The following TRPC4 variants were observed in gnomAD, a reference collection of about 807,000 sequenced individuals.
TRPC4 encodes the protein transient receptor potential cation channel subfamily C member 4.
Under a neutral mutation model 99.4 loss-of-function variants are expected in TRPC4, and 49 were observed. The ratio of observed to expected loss-of-function variants is 0.49; its 90% CI spans 0.39 to 0.63. The LOEUF is 0.63. TRPC4 is among the 20% of genes least tolerant of loss of function. The probability of loss-of-function intolerance (pLI) is 0.00; values close to 1 mark genes in which losing one functional copy is unlikely to be tolerated. For missense variants in TRPC4, 898 were observed against 1,152.9 expected (o/e 0.78, Z 3.20); for synonymous variants, 454 against 425.9 (o/e 1.07, Z -0.81).
chr13:37,759,877 C>A (rs1956180317), intron 2 of TRPC4, among the ~76,000 whole-genome samples: 1 of 151,356 alleles, frequency 6.6e-6, no homozygotes, highest in Admixed American at 6.6e-5. Context: ...ATATTTATTT[C>A]ATCAATTTGT....
intron 2 of TRPC4, among the ~76,000 whole-genome samples, chr13:37,771,689 T>C (rs917700263): frequency 8.6e-5 from 13 of 151,594 alleles, no homozygotes; most frequent in African/African-American, 2.4e-4. Flanking sequence ...CATCAGCAAG[T>C]CTTTGTGGAG....
At chr13:37,706,659 C>T (rs113733487) in intron 3 of TRPC4, among the ~76,000 whole-genome samples, 8,400 of 138,188 alleles carry the variant, frequency 0.061, 750 homozygotes, top group African/African-American at 0.21. Flanking sequence ...CCCCGGTGTG[C>T]GATGTTCCCC....
chr13:37,637,197 A>C lies in TRPC4; in HGVS notation c.2640T>G (p.Leu880=). ...EVARQQAAGP[L]ERNIQLESRG... is the part of the protein sequence containing the mutation. ...GAGATTCCAGTTGAATATTTCTCTC[A>C]AGTGGTCCTGCAGCCTGTTGACGAG... The change falls in exon 11 of 11, where the codon CTT becomes CTG. Residue 880 remains leucine, a synonymous_variant. Transcript: ENST00000379705. 1.9e-6 allele frequency: 3 copies of C among 1,613,874 alleles called. No individual in the cohort carries two copies. Among genetic ancestry groups the C allele is most frequent in the South Asian group, 1.1e-5 (1 of 91,084 alleles).
intron 3 of TRPC4, among the ~76,000 whole-genome samples, chr13:37,714,700 C>T (rs1449687245): frequency 6.6e-6 from 1 of 152,152 alleles, no homozygotes; most frequent in Non-Finnish European, 1.5e-5. Context: ...TATCACCCCA[C>T]ATGATGCTCC....
chr13:37,766,003 A>T (rs189051584), intron 2 of TRPC4, among the ~76,000 whole-genome samples: 1 of 151,298 alleles, frequency 6.6e-6, no homozygotes, highest in Non-Finnish European at 1.5e-5. Context: ...ATTTTTCTTC[A>T]TTAGGTTTGT....
chr13:37,827,152 G>C (rs1036469075), intron 1 of TRPC4, among the ~76,000 whole-genome samples: 1 of 151,856 alleles, frequency 6.6e-6, no homozygotes, highest in Admixed American at 6.6e-5. Flanking sequence ...CTCTGTATTG[G>C]TTATTCTAGT....
intron 3 of TRPC4, among the ~76,000 whole-genome samples, chr13:37,721,782 TA>T (rs1297403864): frequency 1.5e-4 from 23 of 152,178 alleles, no homozygotes; most frequent in African/African-American, 5.5e-4. Flanking sequence ...TAGGCGATTT[TA>T]TTTATTTTTT....
chr13:37,838,257 G>A (rs923282616), intron 1 of TRPC4, among the ~76,000 whole-genome samples: 3 of 152,202 alleles, frequency 2.0e-5, no homozygotes, highest in African/African-American at 7.2e-5. Flanking sequence ...TGTTCTTAGT[G>A]TGTGGTCTCC....
intron 1 of TRPC4, among the ~76,000 whole-genome samples, chr13:37,793,393 G>A (rs984862517): frequency 2.0e-5 from 3 of 151,478 alleles, no homozygotes; most frequent in Non-Finnish European, 4.4e-5. Context: ...CTATTAACTC[G>A]TCATTTAACA....
At chr13:37,796,165 G>A (rs1957239205) in intron 1 of TRPC4, among the ~76,000 whole-genome samples, 1 of 152,054 alleles carries the variant, frequency 6.6e-6, no homozygotes, top group South Asian at 2.1e-4. Context: ...AACAACCAGA[G>A]TTTAAGACTC....
intron 8 of TRPC4, 135 bp downstream of exon 8, chr13:37,651,130 T>C: frequency 1.1e-6 from 1 of 932,284 alleles, no homozygotes; most frequent in Non-Finnish European, 1.6e-6. Context: ...TCATGGGAGA[T>C]GTGTTATAAA....
intron 6 of TRPC4, 108 bp downstream of exon 6, chr13:37,663,308 A>T (rs1952515720): frequency 1.9e-6 from 2 of 1,053,532 alleles, no homozygotes; most frequent in Admixed American, 3.1e-5. Flanking sequence ...GCACAATTTT[A>T]GTTCCCCATT....
intron 3 of TRPC4, among the ~76,000 whole-genome samples, chr13:37,739,300 T>C (rs1012019452): frequency 3.9e-5 from 6 of 152,080 alleles, no homozygotes; most frequent in African/African-American, 4.8e-5. Context: ...TAATTGAATC[T>C]CATTCAGATA....
At chr13:37,812,237 G>C (rs2762068) in intron 1 of TRPC4, among the ~76,000 whole-genome samples, 1,450 of 126,750 alleles carry the variant, frequency 0.011, 24 homozygotes, top group African/African-American at 0.041. Context: ...CTGAGCGATA[G>C]AACATAACTC....
intron 1 of TRPC4, among the ~76,000 whole-genome samples, chr13:37,866,319 C>G (rs1959743472): frequency 6.6e-6 from 1 of 151,792 alleles, no homozygotes; most frequent in African/African-American, 2.4e-5. Flanking sequence ...ATAAAACATA[C>G]ACTAATATTA....
At chr13:37,819,556 A>G (rs1370077127) in intron 1 of TRPC4, among the ~76,000 whole-genome samples, 1 of 152,030 alleles carries the variant, frequency 6.6e-6, no homozygotes, top group Non-Finnish European at 1.5e-5. Context: ...TATCTTTAGC[A>G]AACTAACGCA....
chr13:37,817,685 A>C (rs1957897594), intron 1 of TRPC4, among the ~76,000 whole-genome samples: 1 of 152,094 alleles, frequency 6.6e-6, no homozygotes, highest in Non-Finnish European at 1.5e-5. Context: ...CTACAAAAGC[A>C]GACACATAGA....
intron 1 of TRPC4, among the ~76,000 whole-genome samples, chr13:37,828,686 C>T (rs1394185431): frequency 6.6e-6 from 1 of 152,180 alleles, no homozygotes; most frequent in Non-Finnish European, 1.5e-5. Context: ...TTTGCAGCAA[C>T]ATGGTTAGGC....
At chr13:37,647,411 A>C (rs553466019) in intron 8 of TRPC4, among the ~76,000 whole-genome samples, 17 of 152,342 alleles carry the variant, frequency 1.1e-4, no homozygotes, top group African/African-American at 4.1e-4. Context: ...GATTCGGGAC[A>C]CAGGAGTCTA....
Sources: gnomAD v4.1 joint callset for allele counts (sites outside exome capture counted in the v4.1 genomes callset) on GRCh38, gnomAD v4.1.1 for gene constraint, MANE v1.5 for transcripts, NCBI Gene and HGNC (gene_info 2026-07-23, HGNC 2026-07-21) for gene names.